The following SLC9A2 variants were observed in gnomAD, a reference collection of about 807,000 sequenced individuals.
The protein encoded by SLC9A2 is sodium/hydrogen exchanger 2.
SLC9A2 carries 42 observed loss-of-function variants against 71.7 expected under a neutral mutation model. The observed-to-expected ratio is 0.59, with a 90% CI of 0.46 to 0.76. The LOEUF (loss-of-function observed/expected upper bound fraction) is 0.76, where lower values mean the gene tolerates loss of function less well. Among genes scored for constraint, SLC9A2 ranks in the 30% least tolerant of loss-of-function variants. The pLI, the probability that SLC9A2 is intolerant of heterozygous loss-of-function variation, is 0.00. For missense variants in SLC9A2, 829 were observed against 1,017.4 expected (o/e 0.81, Z 2.52); for synonymous variants, 396 against 392.5 (o/e 1.01, Z -0.10).
intron 1 of SLC9A2, among the ~76,000 whole-genome samples, chr2:102,635,405 C>T (rs753080396): frequency 3.3e-5 from 5 of 152,250 alleles, no homozygotes; most frequent in African/African-American, 4.8e-5. Flanking sequence ...AAGATGCTGA[C>T]TCTGGCTCGA....
At chr2:102,695,233 C>A in intron 7 of SLC9A2, 120 bp downstream of exon 7, 1 of 679,420 alleles carries the variant, frequency 1.5e-6, no homozygotes, top group Non-Finnish European at 2.6e-6. Flanking sequence ...ATAGTATGTC[C>A]TCTAAGATAA....
chr2:102,646,080 GC>G (rs1676717881), intron 1 of SLC9A2, among the ~76,000 whole-genome samples: 1 of 152,188 alleles, frequency 6.6e-6, no homozygotes, highest in Non-Finnish European at 1.5e-5. Context: ...ACAAAGGGAA[GC>G]CCATCAGACT....
intron 10 of SLC9A2, among the ~76,000 whole-genome samples, chr2:102,705,385 G>A (rs1388016318): frequency 2.6e-5 from 4 of 151,832 alleles, no homozygotes; most frequent in Admixed American, 6.6e-5. Flanking sequence ...AAACACTAGC[G>A]ACTGCGGTAT....
rs2104556572 is a variant in SLC9A2, at chr2:102,704,609, G to A, written c.1911G>A (p.Leu637=). ...GTGAGAGACAAGCCAAGGAGATTCT[G>A]ATTCGCCGGCGACACAGTTTGCGAG... is the stretch of plus-strand genomic sequence containing the variant. ...DTSERQAKEI[L]IRRRHSLRES... The change falls in exon 10 of 12, where the codon CTG becomes CTA. Residue 637 remains leucine, a synonymous_variant. Transcript: ENST00000233969. The A allele has an allele frequency of 6.2e-7, 1 of 1,613,696 alleles. No individual in the cohort carries two copies. Among genetic ancestry groups the A allele is most frequent in the Non-Finnish European group, 8.5e-7 (1 of 1,179,720 alleles).
chr2:102,662,315 A>T (rs1677064880), intron 2 of SLC9A2, among the ~76,000 whole-genome samples: 1 of 152,226 alleles, frequency 6.6e-6, no homozygotes, highest in African/African-American at 2.4e-5. Flanking sequence ...GATGCCCGTT[A>T]ATCTGTGGAA....
intron 5 of SLC9A2, among the ~76,000 whole-genome samples, chr2:102,690,968 C>A (rs1199623711): frequency 2.6e-4 from 34 of 131,208 alleles, no homozygotes; most frequent in South Asian, 1.3e-3. Flanking sequence ...TCATTTTCTT[C>A]AAAAAAAAAA....
At chr2:102,704,012 G>A (rs1413403714) in intron 9 of SLC9A2, among the ~76,000 whole-genome samples, 3 of 152,144 alleles carry the variant, frequency 2.0e-5, no homozygotes, top group Non-Finnish European at 2.9e-5. Context: ...ACTGTAGGAT[G>A]GTGGCTTGTA....
chr2:102,674,052 G>T (rs759885862), intron 3 of SLC9A2, among the ~76,000 whole-genome samples: 5 of 152,146 alleles, frequency 3.3e-5, no homozygotes, highest in Admixed American at 6.5e-5. Context: ...GCTTCCCAAA[G>T]TGCTGGGATT....
chr2:102,659,403 T>C (rs1448227772), intron 2 of SLC9A2, among the ~76,000 whole-genome samples: 1 of 152,088 alleles, frequency 6.6e-6, no homozygotes, highest in Non-Finnish European at 1.5e-5. Context: ...ATCATACCAC[T>C]GCATTCCAGC....
chr2:102,684,465 T>G (rs1055937482), intron 5 of SLC9A2, 129 bp downstream of exon 5: 2 of 863,854 alleles, frequency 2.3e-6, no homozygotes, highest in African/African-American at 3.3e-5. Flanking sequence ...AAAATGATAT[T>G]TCCTGTCTGG....
At chr2:102,647,597 C>T (rs1417480474) in intron 1 of SLC9A2, among the ~76,000 whole-genome samples, 2 of 151,532 alleles carry the variant, frequency 1.3e-5, no homozygotes, top group Non-Finnish European at 3.0e-5. Context: ...GGCCACTAGC[C>T]AGACTAACAA....
intron 1 of SLC9A2, among the ~76,000 whole-genome samples, chr2:102,649,591 C>A (rs1573407415): frequency 6.6e-6 from 1 of 152,154 alleles, no homozygotes; most frequent in Non-Finnish European, 1.5e-5. Flanking sequence ...GGTCTATTAT[C>A]CAGAATCTAT....
intron 1 of SLC9A2, among the ~76,000 whole-genome samples, chr2:102,638,621 T>C (rs1676515615): frequency 6.6e-6 from 1 of 152,214 alleles, no homozygotes; most frequent in African/African-American, 2.4e-5. Context: ...ATGAAAGTGT[T>C]CCTTATGCTC....
At chr2:102,629,593 T>C (rs1173725793) in intron 1 of SLC9A2, among the ~76,000 whole-genome samples, 1 of 152,152 alleles carries the variant, frequency 6.6e-6, no homozygotes, top group Non-Finnish European at 1.5e-5. Flanking sequence ...TGACTTATTT[T>C]GCTCTCTGTT....
chr2:102,652,995 A>T (rs1676863776), intron 1 of SLC9A2, among the ~76,000 whole-genome samples: 1 of 152,200 alleles, frequency 6.6e-6, no homozygotes, highest in East Asian at 1.9e-4. Context: ...TGAACAATGA[A>T]ATTTAAGAAG....
intron 1 of SLC9A2, among the ~76,000 whole-genome samples, chr2:102,626,537 G>A (rs1448025005): frequency 5.9e-5 from 9 of 151,976 alleles, no homozygotes; most frequent in Non-Finnish European, 1.2e-4. Context: ...CTAAAACACC[G>A]AAAGCAATGG....
At chr2:102,643,372 C>T (rs2104509626) in intron 1 of SLC9A2, among the ~76,000 whole-genome samples, 1 of 152,274 alleles carries the variant, frequency 6.6e-6, no homozygotes, top group East Asian at 1.9e-4. Flanking sequence ...CAGTTGGGGC[C>T]ACCGTTTCTT....
At chr2:102,674,622 G>A (rs903325601) in intron 3 of SLC9A2, among the ~76,000 whole-genome samples, 2 of 152,204 alleles carry the variant, frequency 1.3e-5, no homozygotes, top group African/African-American at 4.8e-5. Flanking sequence ...GAGTCACCAG[G>A]CATCTTTGTA....
intron 5 of SLC9A2, among the ~76,000 whole-genome samples, chr2:102,691,031 TTTTG>T (rs1347496252): frequency 4.6e-5 from 7 of 151,678 alleles, no homozygotes; most frequent in African/African-American, 1.7e-4. Context: ...GTTGTATAAT[TTTTG>T]TTTGTTTGTT....
Sources: gnomAD v4.1 joint callset for allele counts (sites outside exome capture counted in the v4.1 genomes callset) on GRCh38, gnomAD v4.1.1 for gene constraint, MANE v1.5 for transcripts, NCBI Gene and HGNC (gene_info 2026-07-23, HGNC 2026-07-21) for gene names.